Variants in TACR1 observed in about 807,000 individuals in gnomAD.
The protein encoded by TACR1 is substance-P receptor.
Under a neutral mutation model 35.8 loss-of-function variants are expected in TACR1, and 25 were observed. That is an observed-to-expected ratio of 0.70 (90% CI 0.51 to 0.98). The LOEUF is 0.98. TACR1 is among the 50% of genes least tolerant of loss of function. TACR1 has a pLI of 0.00. For missense variants in TACR1, 478 were observed against 522.9 expected (o/e 0.91, Z 0.84); for synonymous variants, 195 against 206.7 (o/e 0.94, Z 0.48).
At chr2:75,060,084 C>G (rs1273332476) in intron 2 of TACR1, among the ~76,000 whole-genome samples, 1 of 152,182 alleles carries the variant, frequency 6.6e-6, no homozygotes, top group Non-Finnish European at 1.5e-5. Context: ...AGCACCTGTT[C>G]TATATCTGGT....
rs200079158 is a variant in TACR1 at position 75,049,556 on chromosome 2, T to G, written c.1100A>C (p.Glu367Ala). ...GGCCTTGGGGCCGTCCTCTGGCTCC[T>G]CCTCGTGGGCCCCCACCACTGTGGA... ...TISTVVGAHE[E>A]EPEDGPKATP... The change falls in exon 5 of 5, where the codon GAG becomes GCG. Residue 367 changes from glutamate to alanine, a missense_variant. Glu to Ala is a moderately radical substitution (Grantham distance 107, BLOSUM62 -1). Transcript: ENST00000305249. The G allele has an allele frequency of 5.6e-6, 9 of 1,614,198 alleles. No individual in the cohort carries two copies. The highest frequency in any genetic ancestry group is 7.6e-6 in the Non-Finnish European group (9 of 1,180,004).
intron 2 of TACR1, among the ~76,000 whole-genome samples, chr2:75,084,210 T>G (rs1572919657): frequency 6.6e-6 from 1 of 152,242 alleles, no homozygotes; most frequent in Admixed American, 6.5e-5. Flanking sequence ...ATTGGTTCTG[T>G]TTATATGCTG....
intron 2 of TACR1, chr2:75,118,852 T>A (rs1572940684): frequency 2.6e-5 from 4 of 152,294 alleles, no homozygotes; most frequent in African/African-American, 9.6e-5. Context: ...GAGGAAACCT[T>A]CTGGCTTGAA....
chr2:75,104,512 T>C (rs1168978612), intron 2 of TACR1, among the ~76,000 whole-genome samples: 3 of 152,022 alleles, frequency 2.0e-5, no homozygotes, highest in African/African-American at 4.8e-5. Context: ...AACATAGGAC[T>C]TGAAACATGC....
intron 1 of TACR1, among the ~76,000 whole-genome samples, chr2:75,191,593 G>T (rs1406196466): frequency 2.0e-5 from 3 of 152,178 alleles, no homozygotes; most frequent in African/African-American, 4.8e-5. Flanking sequence ...CAGTCAACTG[G>T]AGTGTGGAAG....
intron 1 of TACR1, among the ~76,000 whole-genome samples, chr2:75,177,499 C>G (rs566892009): frequency 1.7e-4 from 26 of 152,348 alleles, no homozygotes; most frequent in South Asian, 4.1e-4. Context: ...AAGCCTCTCA[C>G]TGTCTGACCA....
chr2:75,144,245 C>T (rs1224860163), intron 1 of TACR1, among the ~76,000 whole-genome samples: 1 of 152,086 alleles, frequency 6.6e-6, no homozygotes, highest in Non-Finnish European at 1.5e-5. Flanking sequence ...ATAATTAAAG[C>T]GTGGGCACAG....
At chr2:75,108,593 T>C (rs988175321) in intron 2 of TACR1, among the ~76,000 whole-genome samples, 14 of 152,206 alleles carry the variant, frequency 9.2e-5, no homozygotes, top group Non-Finnish European at 1.5e-4. Context: ...GTAAGAAAGT[T>C]AACAAAATTA....
At chr2:75,102,481 C>T (rs779803404) in intron 2 of TACR1, among the ~76,000 whole-genome samples, 8 of 151,856 alleles carry the variant, frequency 5.3e-5, no homozygotes, top group Non-Finnish European at 1.0e-4. Context: ...TAAAATATAT[C>T]TTGGTCTGAA....
At position 75,159,243 on chromosome 2, in the gene TACR1, C is replaced by G. The variant is rs542246415; in HGVS notation, c.390-38475G>C. 2.0e-5 allele frequency among the ~76,000 whole-genome samples: 3 copies of G among 152,064 alleles called. No homozygotes were observed. The East Asian group carries it at 5.8e-4, about 29-fold the overall frequency. ...TACGTTATTTAAAGTGTTAAATACT[C>G]AAGCCAACCGAAACACAAACCAAAG... On this transcript the variant is annotated intron_variant, in intron 1 of 4. Transcript: ENST00000305249.
At chr2:75,153,342 C>G (rs1674716707) in intron 1 of TACR1, among the ~76,000 whole-genome samples, 1 of 152,190 alleles carries the variant, frequency 6.6e-6, no homozygotes, top group Non-Finnish European at 1.5e-5. Context: ...TGAAGGCATC[C>G]AAGCCTCAGT....
At chr2:75,094,194 A>G (rs991831646) in intron 2 of TACR1, among the ~76,000 whole-genome samples, 6 of 152,216 alleles carry the variant, frequency 3.9e-5, no homozygotes, top group African/African-American at 1.4e-4. Context: ...AAAGCTCTAC[A>G]GTTTTCTAAA....
At chr2:75,107,259 CA>C (rs1444622235) in intron 2 of TACR1, among the ~76,000 whole-genome samples, 2 of 151,806 alleles carry the variant, frequency 1.3e-5, no homozygotes, top group Non-Finnish European at 3.0e-5. Flanking sequence ...GAGAATTTAG[CA>C]AAAGGACAAT....
chr2:75,135,520 C>G (rs1019853150), intron 1 of TACR1, among the ~76,000 whole-genome samples: 2 of 152,186 alleles, frequency 1.3e-5, no homozygotes, highest in Non-Finnish European at 2.9e-5. Context: ...GGCGCCCGTG[C>G]TATCCGTGCT....
At chr2:75,154,348 C>A (rs898987030) in intron 1 of TACR1, 1 of 152,198 alleles carries the variant, frequency 6.6e-6, no homozygotes, top group African/African-American at 2.4e-5. Context: ...TGAAGCCACT[C>A]ACTCCGGGAG....
chr2:75,146,540 T>G (rs1674518217), intron 1 of TACR1, among the ~76,000 whole-genome samples: 1 of 152,216 alleles, frequency 6.6e-6, no homozygotes, highest in Non-Finnish European at 1.5e-5. Context: ...TGTATTTGGC[T>G]TCTAGGAGAT....
At chr2:75,086,855 T>C (rs1339592225) in intron 2 of TACR1, among the ~76,000 whole-genome samples, 1 of 152,168 alleles carries the variant, frequency 6.6e-6, no homozygotes, top group Non-Finnish European at 1.5e-5. Flanking sequence ...TCATATTTCC[T>C]AGCAGTGGGG....
chr2:75,155,585 A>G (rs1485622088), intron 1 of TACR1, among the ~76,000 whole-genome samples: 2 of 152,348 alleles, frequency 1.3e-5, no homozygotes, highest in South Asian at 2.1e-4. Context: ...TCTAAGGGTC[A>G]CATAGCTCAG....
intron 2 of TACR1, among the ~76,000 whole-genome samples, chr2:75,091,973 G>A (rs927650115): frequency 3.3e-5 from 5 of 152,212 alleles, no homozygotes; most frequent in Non-Finnish European, 5.9e-5. Flanking sequence ...TAAGGACAAC[G>A]ATATCTATCT....
Sources: gnomAD v4.1 joint callset for allele counts (sites outside exome capture counted in the v4.1 genomes callset) on GRCh38, gnomAD v4.1.1 for gene constraint, MANE v1.5 for transcripts, NCBI Gene and HGNC (gene_info 2026-07-23, HGNC 2026-07-21) for gene names.